The following RBBP4 variants were observed in gnomAD, a reference collection of about 807,000 sequenced individuals.
RBBP4 encodes RB binding protein 4, chromatin remodeling factor.
Under a neutral mutation model 57.2 loss-of-function variants are expected in RBBP4, and 3 were observed. That is an observed-to-expected ratio of 0.05 (90% confidence interval 0.02 to 0.14). The LOEUF (loss-of-function observed/expected upper bound fraction) is 0.14. Ranked by LOEUF, RBBP4 falls within the 10% of genes least tolerant of loss-of-function variation. The probability of loss-of-function intolerance (pLI) is 1.00; values close to 1 mark genes in which losing one functional copy is unlikely to be tolerated. For missense variants in RBBP4, 107 were observed against 520.6 expected, an observed-to-expected ratio of 0.21 and a Z score of 7.73; for synonymous variants, 151 against 171.5, an observed-to-expected ratio of 0.88 and a Z score of 0.93.
At chr1:32,653,659 TGTTTTTGTTTTTTTTTTTG>T (rs1232578901) in intron 2 of RBBP4, among the ~76,000 whole-genome samples, 17 of 65,906 alleles carry the variant, frequency 2.6e-4, no homozygotes, top group African/African-American at 8.9e-4. Flanking sequence ...TTTTTTTTTT[TGTTTTTGTTTTTTTTTTTG>T]AGACGGAGTC....
intron 3 of RBBP4, among the ~76,000 whole-genome samples, chr1:32,661,369 A>C (rs1648401371): frequency 7.3e-6 from 1 of 136,886 alleles, no homozygotes; most frequent in South Asian, 2.2e-4. Context: ...ATCTCAACTC[A>C]CTGCACTCTC....
chr1:32,672,571 A>G (rs1250685826), intron 9 of RBBP4, 45 bp downstream of exon 9: 1 of 1,596,370 alleles, frequency 6.3e-7, no homozygotes, highest in Non-Finnish European at 8.6e-7. Flanking sequence ...TATTTCCTTT[A>G]TTTACACTTT....
At position 32,680,350 on chromosome 1, in the gene RBBP4, G is replaced by GT. The variant is rs1649350086; in HGVS notation, c.*647dup. 1 of 1,107,784 alleles carries GT rather than the reference G, an allele frequency of 9.0e-7. No homozygotes were observed. The highest frequency in any genetic ancestry group is 2.2e-5 in the African/African-American group (1 of 45,816). The allele number at this position is 1,107,784 out of a possible 1,614,324, so 68.6% of individuals were successfully genotyped here. On this transcript the variant is annotated 3_prime_UTR_variant, in exon 12 of 12. Transcript: ENST00000373493. ...TCTGTGAAATGGTGTTTTTTTTTTT[G>GT]TTGTTGGTTTTTTTTTTTTTTTTTT... is the stretch of plus-strand genomic sequence containing the variant.
At chr1:32,668,458 C>A in intron 4 of RBBP4, 60 bp downstream of exon 4, 1 of 1,449,420 alleles carries the variant, frequency 6.9e-7, no homozygotes, top group South Asian at 1.2e-5. Flanking sequence ...TGGTTCCACT[C>A]ACTGTGAGTT....
intron 3 of RBBP4, chr1:32,662,237 G>A: frequency 3.0e-6 from 1 of 335,400 alleles, no homozygotes; most frequent in Non-Finnish European, 6.2e-6. Context: ...GTCTCTCTCT[G>A]TCGTCCAGGC....
At chr1:32,659,340 C>T (rs1648300209) in intron 3 of RBBP4, among the ~76,000 whole-genome samples, 2 of 151,750 alleles carry the variant, frequency 1.3e-5, no homozygotes, top group South Asian at 2.1e-4. Flanking sequence ...ACCAGTGGAT[C>T]ACTTGAGGTC....
In RBBP4 at chr1:32,679,763, T is replaced by C. The variant is rs772921917; in HGVS notation, c.*58T>C. 1.2e-6 allele frequency: 2 copies of C among 1,606,516 alleles called. No individual in the cohort carries two copies. Among genetic ancestry groups the C allele is most frequent in the Non-Finnish European group, 1.7e-6 (2 of 1,177,072 alleles). ...CCTTTTTTCTTCTCAACCCTGAGAG[T>C]GATTTAACACTGGTTTTGAGACAGA... On this transcript the variant is annotated 3_prime_UTR_variant, in exon 12 of 12. Coordinates refer to ENST00000373493, the MANE Select transcript of RBBP4 (RefSeq NM_005610.3).
rs372285843 is a variant in RBBP4 at position 32,680,357 on chromosome 1, GTTT to G, written c.*669_*671del. ...AATGGTGTTTTTTTTTTTGTTGTTG[GTTT>G]TTTTTTTTTTTTTTTTAACTTGGGA... On this transcript the variant is annotated 3_prime_UTR_variant, in exon 12 of 12. Transcript: ENST00000373493. 1,753 of 978,204 alleles carry G rather than the reference GTTT, an allele frequency of 1.8e-3. No individual in the cohort carries two copies. The highest frequency in any genetic ancestry group is 8.9e-3 in the East Asian group (131 of 14,656). 60.6% of individuals were successfully genotyped at this position (978,204 alleles called of 1,614,324 possible). A position where few individuals can be genotyped will look rare whatever the true frequency, so the allele number is the denominator to read the frequency against.
rs908179045 is a variant in RBBP4, at chr1:32,651,270, G to C, written c.-37G>C. The C allele has an allele frequency of 1.3e-6, 2 of 1,505,402 alleles. No homozygotes were observed. Among genetic ancestry groups the C allele is most frequent in the Non-Finnish European group, 8.9e-7 (1 of 1,127,498 alleles). The allele number at this position is 1,505,402 out of a possible 1,614,324, so 93.3% of individuals were successfully genotyped here. A position where few individuals can be genotyped will look rare whatever the true frequency, so the allele number is the denominator to read the frequency against. On this transcript the variant is annotated 5_prime_UTR_variant, in exon 1 of 12. Transcript: ENST00000373493. ...GCAGCCTCCCCGCCCCTCCCGCAAC[G>C]CTCGACCCCAGGATTCCCCCGGCTC... is the stretch of plus-strand genomic sequence containing the variant.
intron 8 of RBBP4, among the ~76,000 whole-genome samples, chr1:32,671,048 G>A (rs1648854555): frequency 6.6e-6 from 1 of 152,020 alleles, no homozygotes; most frequent in Admixed American, 6.6e-5. Flanking sequence ...GTACCTTAAG[G>A]CTAGGTAGCA....
chr1:32,665,064 T>G (rs1262406933), intron 3 of RBBP4, among the ~76,000 whole-genome samples: 3 of 152,112 alleles, frequency 2.0e-5, no homozygotes, highest in Non-Finnish European at 4.4e-5. Context: ...AGGGTTGCTG[T>G]AACCTTCAAT....
chr1:32,666,434 C>A, intron 3 of RBBP4, among the ~76,000 whole-genome samples: 1 of 151,610 alleles, frequency 6.6e-6, no homozygotes, highest in East Asian at 1.9e-4. Flanking sequence ...TCTCGGCTCA[C>A]TGCAACCTCC....
In RBBP4 at chr1:32,685,663, A is replaced by G. The variant is rs1003152374; in HGVS notation, c.*5958A>G. On this transcript the variant is annotated 3_prime_UTR_variant, in exon 12 of 12. Coordinates refer to ENST00000373493, the MANE Select transcript of RBBP4 (RefSeq NM_005610.3). ...GCCCAGCCATGCCTAAGAGTGTGTCATCTGAAGAGGGAAGCATCTGCATAC... is the reference window on the plus strand; with the variant it reads ...GCCCAGCCATGCCTAAGAGTGTGTCGTCTGAAGAGGGAAGCATCTGCATAC... 4 of 152,366 alleles carry G rather than the reference A, an allele frequency of 2.6e-5. No homozygotes were observed. Among genetic ancestry groups the G allele is most frequent in the Non-Finnish European group, 4.4e-5 (3 of 68,074 alleles). The allele number at this position is 152,366 out of a possible 1,614,324, so 9.4% of individuals were successfully genotyped here. A position where few individuals can be genotyped will look rare whatever the true frequency, so the allele number is the denominator to read the frequency against.
intron 8 of RBBP4, among the ~76,000 whole-genome samples, chr1:32,670,030 A>C (rs188687714): frequency 6.6e-6 from 1 of 152,222 alleles, no homozygotes; most frequent in Admixed American, 6.5e-5. Flanking sequence ...TACTTTCTCA[A>C]ACTGGTTATT....
At chr1:32,661,089 T>C (rs569611364) in intron 3 of RBBP4, among the ~76,000 whole-genome samples, 2 of 152,154 alleles carry the variant, frequency 1.3e-5, no homozygotes, top group Admixed American at 6.6e-5. Flanking sequence ...TCTGGGCTTA[T>C]AGGCATGAGC....
chr1:32,681,605 G>T lies in RBBP4; in HGVS notation c.*1900G>T. On this transcript the variant is annotated 3_prime_UTR_variant, in exon 12 of 12. Coordinates refer to ENST00000373493, the MANE Select transcript of RBBP4 (RefSeq NM_005610.3). ...GAGGCTCATCTTTCCTTTCCTTGGT[G>T]CATTGAGATCAGTATCAACAGCAGA... 1.7e-6 allele frequency: 1 copy of T among 596,470 alleles called. No homozygotes were observed. The highest frequency in any genetic ancestry group is 3.0e-6 in the Non-Finnish European group (1 of 336,562). The allele number at this position is 596,470 out of a possible 1,614,324, so 36.9% of individuals were successfully genotyped here. A position where few individuals can be genotyped will look rare whatever the true frequency, so the allele number is the denominator to read the frequency against.
chr1:32,675,887 T>C (rs1649083218), intron 11 of RBBP4, among the ~76,000 whole-genome samples: 2 of 151,624 alleles, frequency 1.3e-5, no homozygotes, highest in African/African-American at 2.4e-5. Flanking sequence ...GCCCAGAAGT[T>C]CTAGACTAGC....
intron 8 of RBBP4, among the ~76,000 whole-genome samples, chr1:32,670,104 C>T (rs752176456): frequency 3.9e-5 from 6 of 152,152 alleles, no homozygotes; most frequent in African/African-American, 7.2e-5. Flanking sequence ...TGCCTGTAAT[C>T]CCAGCACTTT....
chr1:32,676,570 C>G (rs1346759993), intron 11 of RBBP4, among the ~76,000 whole-genome samples: 1 of 149,556 alleles, frequency 6.7e-6, no homozygotes, highest in Non-Finnish European at 1.5e-5. Context: ...CAAGATCGCA[C>G]CATTGCACTC....
Sources: allele counts gnomAD v4.1 joint callset (sites outside exome capture counted in the v4.1 genomes callset), GRCh38; gene constraint gnomAD v4.1.1; transcripts MANE v1.5; gene names NCBI Gene and HGNC (gene_info 2026-07-23, HGNC 2026-07-21).